Variants in PACRG observed in about 807,000 individuals in gnomAD.
PACRG encodes parkin coregulated gene protein.
A neutral mutation model predicts 29.7 loss-of-function variants in PACRG; 29 were observed. The observed-to-expected ratio is 0.98, with a 90% confidence interval of 0.73 to 1.33. The LOEUF (loss-of-function observed/expected upper bound fraction) is 1.33. PACRG is among the 40% of genes most tolerant of loss of function. The pLI is 0.00. For missense variants in PACRG, 279 were observed against 316.2 expected, an observed-to-expected ratio of 0.88 and a Z score of 0.89; for synonymous variants, 116 against 118.7, an observed-to-expected ratio of 0.98 and a Z score of 0.15.
intron 2 of PACRG, among the ~76,000 whole-genome samples, chr6:162,958,836 G>C (rs1389645989): frequency 1.5e-5 from 2 of 133,432 alleles, no homozygotes; most frequent in Non-Finnish European, 3.2e-5. Flanking sequence ...TGTATATATA[G>C]AGCATATATA....
At chr6:163,007,402 A>C (rs1010776530) in intron 2 of PACRG, among the ~76,000 whole-genome samples, 1 of 152,050 alleles carries the variant, frequency 6.6e-6, no homozygotes, top group Non-Finnish European at 1.5e-5. Flanking sequence ...ATCTGGTGTC[A>C]TTTTCCTTCT....
chr6:163,063,972 T>G (rs1811311981), intron 3 of PACRG, among the ~76,000 whole-genome samples: 1 of 152,184 alleles, frequency 6.6e-6, no homozygotes, highest in Non-Finnish European at 1.5e-5. Flanking sequence ...GCTACATTTC[T>G]AAAGGATGAT....
At chr6:162,931,720 C>T (rs1269184386) in intron 2 of PACRG, among the ~76,000 whole-genome samples, 1 of 151,888 alleles carries the variant, frequency 6.6e-6, no homozygotes, top group East Asian at 1.9e-4. Flanking sequence ...CCACTACACA[C>T]CTATTAGAGT....
intron 4 of PACRG, among the ~76,000 whole-genome samples, chr6:163,217,051 C>A (rs1168815642): frequency 6.6e-6 from 1 of 152,202 alleles, no homozygotes; most frequent in African/African-American, 2.4e-5. Context: ...TGAATCTTCC[C>A]AATTTTCATT....
intron 2 of PACRG, among the ~76,000 whole-genome samples, chr6:162,980,352 T>C (rs9458701): frequency 0.018 from 2,788 of 152,258 alleles, 93 homozygotes; most frequent in African/African-American, 0.064. Flanking sequence ...TGTGAAAATG[T>C]TTATTCCTCT....
At chr6:162,921,160 T>C (rs980768794) in intron 2 of PACRG, among the ~76,000 whole-genome samples, 1 of 152,068 alleles carries the variant, frequency 6.6e-6, no homozygotes, top group African/African-American at 2.4e-5. Context: ...ACTTAGAAAA[T>C]TTTTTTAACT....
At chr6:163,044,045 AG>A (rs1809044794) in intron 2 of PACRG, among the ~76,000 whole-genome samples, 1 of 152,170 alleles carries the variant, frequency 6.6e-6, no homozygotes, top group South Asian at 2.1e-4. Flanking sequence ...GAGAACAGGA[AG>A]AGGAAGACCT....
chr6:162,823,607 G>T (rs1205169437), intron 2 of PACRG, among the ~76,000 whole-genome samples: 9 of 151,562 alleles, frequency 5.9e-5, no homozygotes, highest in Admixed American at 2.0e-4. Flanking sequence ...CACCTCCTGG[G>T]TTCAAGCGAT....
chr6:163,062,107 G>T, intron 2 of PACRG, 43 bp from the exon 3 acceptor site: 1 of 1,601,614 alleles, frequency 6.2e-7, no homozygotes, highest in South Asian at 1.1e-5. Flanking sequence ...TGCTCTGCCC[G>T]AATGCTGTTT....
chr6:162,957,101 C>CA (rs1800108285), intron 2 of PACRG, among the ~76,000 whole-genome samples: 1 of 151,632 alleles, frequency 6.6e-6, no homozygotes, highest in Non-Finnish European at 1.5e-5. Flanking sequence ...TAGAGTGAGA[C>CA]AGACTTGAGC....
intron 2 of PACRG, among the ~76,000 whole-genome samples, chr6:162,837,313 G>C (rs576902274): frequency 6.6e-6 from 1 of 152,284 alleles, no homozygotes; most frequent in East Asian, 1.9e-4. Context: ...CTGATAAAGA[G>C]TATTTGGGTT....
At chr6:163,119,833 T>TTTGTTGTTGTTG (rs544816251) in intron 4 of PACRG, among the ~76,000 whole-genome samples, 1 of 152,110 alleles carries the variant, frequency 6.6e-6, no homozygotes, top group East Asian at 1.9e-4. Context: ...TTTATGTATT[T>TTTGTTGTTGTTG]TTGTTGTTGT....
intron 4 of PACRG, among the ~76,000 whole-genome samples, chr6:163,246,151 C>T (rs866543699): frequency 1.1e-4 from 16 of 152,200 alleles, no homozygotes; most frequent in African/African-American, 1.7e-4. Flanking sequence ...TATTCCATGA[C>T]GCTTAGAATC....
chr6:163,137,075 T>C (rs543889846), intron 4 of PACRG, among the ~76,000 whole-genome samples: 19 of 152,182 alleles, frequency 1.2e-4, no homozygotes, highest in Non-Finnish European at 2.2e-4. Flanking sequence ...AGCACAGAGA[T>C]TTTGTGATAG....
At position 162,844,441 on chromosome 6, in the gene PACRG, G is replaced by A. The variant is rs987007555; in HGVS notation, c.291+30160G>A. On this transcript the variant is annotated intron_variant, in intron 2 of 4. Coordinates refer to ENST00000366888, the MANE Select transcript of PACRG (RefSeq NM_001080379.2). ...CGCTTCCCAAGTGAGGCAATGCCTC[G>A]CCCTGCTTCGGCTCGCGCATGGTGC... 1.1e-4 allele frequency among the ~76,000 whole-genome samples: 16 copies of A among 152,196 alleles called. 1 individual carries two copies. Among genetic ancestry groups the A allele is most frequent in the Non-Finnish European group, 1.5e-4 (10 of 68,036 alleles).
intron 4 of PACRG, among the ~76,000 whole-genome samples, chr6:163,253,228 A>G (rs1485087169): frequency 6.7e-6 from 1 of 148,788 alleles, no homozygotes; most frequent in Non-Finnish European, 1.5e-5. Context: ...TGAACCCAGG[A>G]GGCAGAGGTT....
chr6:163,029,649 C>T (rs369160482), intron 2 of PACRG, among the ~76,000 whole-genome samples: 7 of 152,292 alleles, frequency 4.6e-5, no homozygotes, highest in East Asian at 1.9e-4. Context: ...AGGAAAGTTT[C>T]GTCCCTTTTT....
rs1782738072 is a variant in PACRG at position 163,247,466 on chromosome 6, AAAATGC to A, written c.614-67357_614-67352del. Among the ~76,000 whole-genome samples, 3 of 152,316 alleles carry A rather than the reference AAAATGC, an allele frequency of 2.0e-5. No individual in the cohort carries two copies. The South Asian group carries it at 6.2e-4, about 32-fold the overall frequency. On this transcript the variant is annotated intron_variant, in intron 4 of 4. Transcript: ENST00000366888. ...TATGTAGTTTATCTTCTAAAAAATT[AAAATGC>A]AAAATTGTCATCATGATGGATCTTC...
At chr6:163,195,245 C>G (rs969174986) in intron 4 of PACRG, among the ~76,000 whole-genome samples, 1 of 152,230 alleles carries the variant, frequency 6.6e-6, no homozygotes, top group African/African-American at 2.4e-5. Flanking sequence ...ATTTCATTAT[C>G]GTGAACCACT....
Sources: allele counts gnomAD v4.1 joint callset (sites outside exome capture counted in the v4.1 genomes callset), GRCh38; gene constraint gnomAD v4.1.1; transcripts MANE v1.5; gene names NCBI Gene and HGNC (gene_info 2026-07-23, HGNC 2026-07-21).